AGGF1: variants seen among roughly 807,000 people sequenced by gnomAD.
The protein encoded by AGGF1 is angiogenic factor with G-patch and FHA domains 1.
Under a neutral mutation model 86.5 loss-of-function variants are expected in AGGF1, and 56 were observed. That is an observed-to-expected ratio of 0.65 (90% CI 0.52 to 0.81). The LOEUF is 0.81. Among genes scored for constraint, AGGF1 ranks in the 30% least tolerant of loss-of-function variants. The probability of loss-of-function intolerance (pLI) is 0.00; values close to 1 mark genes in which losing one functional copy is unlikely to be tolerated. For synonymous variants in AGGF1, 313 were observed against 297.1 expected (o/e 1.05, Z -0.55); for missense variants, 816 against 850.9 (o/e 0.96, Z 0.51).
At chr5:77,031,637 T>A (rs1746855894) in intron 1 of AGGF1, among the ~76,000 whole-genome samples, 2 of 152,202 alleles carry the variant, frequency 1.3e-5, no homozygotes, top group African/African-American at 4.8e-5. Context: ...CTCACGCCTG[T>A]AATCCCAGCA....
intron 11 of AGGF1, among the ~76,000 whole-genome samples, chr5:77,057,679 G>C (rs1481908283): frequency 6.6e-6 from 1 of 152,206 alleles, no homozygotes; most frequent in Non-Finnish European, 1.5e-5. Flanking sequence ...AGCTCAGAAA[G>C]CTGCCTTCTG....
At chr5:77,059,399 C>T (rs1246670592) in intron 11 of AGGF1, among the ~76,000 whole-genome samples, 2 of 152,092 alleles carry the variant, frequency 1.3e-5, no homozygotes, top group Admixed American at 1.3e-4. Flanking sequence ...TCACACTGGT[C>T]TCAAACTCCT....
chr5:77,032,141 T>C (rs1453633634), intron 1 of AGGF1, among the ~76,000 whole-genome samples: 1 of 151,788 alleles, frequency 6.6e-6, no homozygotes, highest in African/African-American at 2.4e-5. Flanking sequence ...TGCAATGACT[T>C]TGTATGACCA....
chr5:77,034,746 G>T (rs1287432560), intron 2 of AGGF1, among the ~76,000 whole-genome samples: 1 of 152,180 alleles, frequency 6.6e-6, no homozygotes, highest in Non-Finnish European at 1.5e-5. Flanking sequence ...TGTTGCTAAT[G>T]TTTTCAGTGG....
In AGGF1 at chr5:77,046,459, A is replaced by C; in HGVS notation, c.983A>C (p.Asn328Thr). 6.2e-7 allele frequency: 1 copy of C among 1,614,088 alleles called. No homozygotes were observed. The highest frequency in any genetic ancestry group is 1.1e-5 in the South Asian group (1 of 91,078). ...KKAKIGIHHK[N>T]SPPKVTVPTS... is the part of the protein sequence containing the mutation. The stretch of plus-strand genomic sequence containing the variant: ...GCCAAAATAGGCATTCATCACAAAA[A>C]TAGTCCCCCCAAAGTCACTGTTCCA... The change falls in exon 6 of 14, where the codon AAT (asparagine) becomes ACT (threonine). Residue 328 changes from asparagine (N) to threonine (T), a missense_variant. Physicochemically the swap from Asn to Thr is moderately conservative, Grantham distance 65. Transcript: ENST00000312916.
chr5:77,054,350 A>T (rs939368204), intron 10 of AGGF1, among the ~76,000 whole-genome samples: 3 of 152,230 alleles, frequency 2.0e-5, no homozygotes, highest in Non-Finnish European at 4.4e-5. Context: ...AATAACATAT[A>T]TTTGGAAGTT....
In AGGF1 at chr5:77,060,119, G is replaced by A. The variant is rs1282006241; in HGVS notation, c.1844+376G>A. On this transcript the variant is annotated intron_variant, in intron 12 of 13. Transcript: ENST00000312916. ...GGCCTCCCAAAGTGTTGGGATTACCGGCGTGAGCTACCACGTCTGGCCAAT... is the reference window on the plus strand; with the variant it reads ...GGCCTCCCAAAGTGTTGGGATTACCAGCGTGAGCTACCACGTCTGGCCAAT... 5.3e-5 allele frequency among the ~76,000 whole-genome samples: 8 copies of A among 152,184 alleles called. 1 individual carries two copies. In the South Asian group the frequency reaches 1.0e-3, roughly 20 times the overall value.
At position 77,063,327 on chromosome 5, in the gene AGGF1, A is replaced by T; in HGVS notation, c.*75A>T. The stretch of plus-strand genomic sequence containing the variant: ...GAAACTTATTTTTTCTCCCCAAAAG[A>T]ATCAGCAGCACAGGGGAACTATGTC... On this transcript the variant is annotated 3_prime_UTR_variant, in exon 14 of 14. Coordinates refer to ENST00000312916, the MANE Select transcript of AGGF1 (RefSeq NM_018046.5). 1.5e-6 allele frequency: 2 copies of T among 1,378,078 alleles called. No individual in the cohort carries two copies. Among genetic ancestry groups the T allele is most frequent in the African/African-American group, 1.4e-5 (1 of 69,152 alleles). 85.4% of individuals were successfully genotyped at this position (1,378,078 alleles called of 1,614,324 possible).
intron 5 of AGGF1, among the ~76,000 whole-genome samples, chr5:77,043,163 G>T (rs1747156165): frequency 1.5e-5 from 1 of 65,100 alleles, no homozygotes; most frequent in African/African-American, 5.9e-5. Flanking sequence ...CCCGGACAGG[G>T]CGGCTGGCCG....
At chr5:77,062,955 TAATA>T in intron 13 of AGGF1, 93 bp from the exon 14 acceptor site, 3 of 1,322,042 alleles carry the variant, frequency 2.3e-6, no homozygotes, top group African/African-American at 1.5e-5. Context: ...CATCAATCTT[TAATA>T]AATCAAAAAA....
chr5:77,046,648 A>G lies in AGGF1; in HGVS notation c.1172A>G (p.Asn391Ser), dbSNP rs753338842. 5 of 1,613,950 alleles carry G rather than the reference A, an allele frequency of 3.1e-6. No individual in the cohort carries two copies. The African/African-American group carries it at 5.3e-5, about 17-fold the overall frequency. ...SYDEAITSEG[N>S]VTAEDSEDED... ...GACGAAGCCATTACCAGTGAAGGCA[A>G]TGTAACTGCAGAAGATAGTGAGGAT... Residue 391 changes from asparagine (N) to serine (S), a missense_variant, in exon 6 of 14, where the codon AAT becomes AGT. Transcript: ENST00000312916.
At chr5:77,054,984 C>T (rs1039602404) in intron 10 of AGGF1, among the ~76,000 whole-genome samples, 2 of 152,138 alleles carry the variant, frequency 1.3e-5, no homozygotes, top group African/African-American at 4.8e-5. Context: ...TCAGCCCAGC[C>T]ATCGAAAGCT....
At chr5:77,045,934 G>T (rs1449395400) in intron 5 of AGGF1, among the ~76,000 whole-genome samples, 2 of 152,178 alleles carry the variant, frequency 1.3e-5, no homozygotes, top group African/African-American at 4.8e-5. Context: ...ACTAGAAAAT[G>T]TAAAAGTACA....
At chr5:77,032,263 A>C (rs1561282630) in intron 1 of AGGF1, among the ~76,000 whole-genome samples, 1 of 150,322 alleles carries the variant, frequency 6.7e-6, no homozygotes, top group African/African-American at 2.4e-5. Flanking sequence ...AAAAAAAAAA[A>C]AAAAAAAAAA....
At chr5:77,035,815 GAT>G in intron 3 of AGGF1, 72 bp downstream of exon 3, 1 of 1,347,710 alleles carries the variant, frequency 7.4e-7, no homozygotes, top group Non-Finnish European at 1.1e-6. Context: ...TATGTGGAAA[GAT>G]AGACTTCTTT....
At chr5:77,037,366 A>ATTT (rs1746986083) in intron 4 of AGGF1, among the ~76,000 whole-genome samples, 1 of 152,226 alleles carries the variant, frequency 6.6e-6, no homozygotes, top group Non-Finnish European at 1.5e-5. Flanking sequence ...AAATTATATC[A>ATTT]AATACTTTAT....
At chr5:77,056,786 A>T (rs564287935) in intron 11 of AGGF1, among the ~76,000 whole-genome samples, 12 of 152,320 alleles carry the variant, frequency 7.9e-5, no homozygotes, top group African/African-American at 2.9e-4. Context: ...TTAAAAATTA[A>T]TGTTTTTCTA....
intron 8 of AGGF1, among the ~76,000 whole-genome samples, chr5:77,050,705 C>G (rs572161366): frequency 2.0e-5 from 3 of 152,132 alleles, no homozygotes; most frequent in East Asian, 3.9e-4. Flanking sequence ...ACAAAATGAT[C>G]TTGCTCTTTA....
chr5:77,039,720 G>T lies in AGGF1; in HGVS notation c.870+1G>T. 6.2e-7 allele frequency: 1 copy of T among 1,608,962 alleles called. No individual in the cohort carries two copies. The highest frequency in any genetic ancestry group is 1.7e-4 in the Middle Eastern group (1 of 6,036). ...TTCTTCTGCAACAAATGAGGAAAAGGTAATGTCTTTACAATTTTAAAAATT... is the reference window on the plus strand; with the variant it reads ...TTCTTCTGCAACAAATGAGGAAAAGTTAATGTCTTTACAATTTTAAAAATT... On this transcript the variant is annotated splice_donor_variant, in intron 5 of 13. Transcript: ENST00000312916. LOFTEE classifies it high-confidence loss of function.
Sources: allele counts gnomAD v4.1 joint callset (sites outside exome capture counted in the v4.1 genomes callset), GRCh38; gene constraint gnomAD v4.1.1; transcripts MANE v1.5; gene names NCBI Gene and HGNC (gene_info 2026-07-23, HGNC 2026-07-21).